Variants in SLC25A13 observed in about 807,000 individuals in gnomAD.
The protein encoded by SLC25A13 is solute carrier family 25 member 13, also known as electrogenic aspartate/glutamate antiporter SLC25A13, mitochondrial.
SLC25A13 carries 70 observed loss-of-function variants against 85.5 expected under a neutral mutation model. That is an observed-to-expected ratio of 0.82 (90% CI 0.68 to 1.00). The LOEUF is 1.00. Ranked by LOEUF, SLC25A13 falls within the 50% of genes least tolerant of loss-of-function variation. The pLI, the probability that SLC25A13 is intolerant of heterozygous loss-of-function variation, is 0.00. For missense variants in SLC25A13, 765 were observed against 819.8 expected (o/e 0.93, Z 0.82); for synonymous variants, 259 against 288.7 (o/e 0.90, Z 1.04).
At chr7:96,228,867 G>A (rs117350878) in intron 4 of SLC25A13, among the ~76,000 whole-genome samples, 3,089 of 152,282 alleles carry the variant, frequency 0.02, 59 homozygotes, top group Non-Finnish European at 0.031. Flanking sequence ...CAGCTGTGGA[G>A]GGTGTGCTGG....
intron 12 of SLC25A13, among the ~76,000 whole-genome samples, chr7:96,170,802 G>C (rs1315104782): frequency 6.6e-6 from 1 of 152,166 alleles, no homozygotes; most frequent in Non-Finnish European, 1.5e-5. Context: ...CCTAAAGCTA[G>C]AGTTTTACTT....
At chr7:96,221,905 T>G (rs1176864289) in intron 4 of SLC25A13, among the ~76,000 whole-genome samples, 1 of 152,200 alleles carries the variant, frequency 6.6e-6, no homozygotes, top group Non-Finnish European at 1.5e-5. Flanking sequence ...CATCAGAGAA[T>G]TAACTAACTG....
intron 12 of SLC25A13, 46 bp downstream of exon 12, chr7:96,171,426 T>A (rs753718735): frequency 6.5e-7 from 1 of 1,527,940 alleles, no homozygotes; most frequent in East Asian, 2.3e-5. Context: ...GATTCTTGAG[T>A]ATGTACAAAA....
chr7:96,317,763 T>G (rs898899327), intron 1 of SLC25A13, among the ~76,000 whole-genome samples: 3 of 150,822 alleles, frequency 2.0e-5, no homozygotes, highest in Non-Finnish European at 4.4e-5. Flanking sequence ...ATTTTATTTA[T>G]TTTATTCTAT....
At chr7:96,303,420 C>T (rs758899570) in intron 1 of SLC25A13, among the ~76,000 whole-genome samples, 1 of 151,984 alleles carries the variant, frequency 6.6e-6, no homozygotes, top group Non-Finnish European at 1.5e-5. Flanking sequence ...AGAAACAGTC[C>T]TGCATAGTCT....
intron 15 of SLC25A13, among the ~76,000 whole-genome samples, chr7:96,125,421 A>G (rs1004949353): frequency 1.2e-4 from 18 of 152,214 alleles, no homozygotes; most frequent in African/African-American, 4.3e-4. Context: ...TGCTTCAGAG[A>G]AGGTCTGTGG....
chr7:96,304,744 C>A (rs1169899054), intron 1 of SLC25A13, among the ~76,000 whole-genome samples: 1 of 152,176 alleles, frequency 6.6e-6, no homozygotes, highest in East Asian at 1.9e-4. Context: ...ACTTGCTCAT[C>A]CATGCAACAC....
At chr7:96,216,602 C>T (rs909351671) in intron 4 of SLC25A13, among the ~76,000 whole-genome samples, 3 of 152,128 alleles carry the variant, frequency 2.0e-5, no homozygotes, top group African/African-American at 4.8e-5. Context: ...CTTGCAGGAA[C>T]GTCGACGGAG....
In SLC25A13 at chr7:96,121,760, A is replaced by C; in HGVS notation, c.1751-15T>G. On this transcript the variant is annotated splice_polypyrimidine_tract_variant and intron_variant, in intron 16 of 17. Coordinates refer to ENST00000265631, the MANE Select transcript of SLC25A13 (RefSeq NM_014251.3). ...AAATACACGAGCTTTAAAAAAATGG[A>C]GAAATCACAGATATAATTAGATATT... The C allele has an allele frequency of 6.2e-7, 1 of 1,614,056 alleles. No homozygotes were observed. The highest frequency in any genetic ancestry group is 8.5e-7 in the Non-Finnish European group (1 of 1,179,884).
At chr7:96,158,620 C>T (rs2116529900) in intron 13 of SLC25A13, among the ~76,000 whole-genome samples, 1 of 152,270 alleles carries the variant, frequency 6.6e-6, no homozygotes. Flanking sequence ...TCTAATTGCA[C>T]ACTGACATTC....
intron 5 of SLC25A13, among the ~76,000 whole-genome samples, chr7:96,196,804 C>T (rs1001291813): frequency 1.3e-5 from 2 of 152,158 alleles, no homozygotes; most frequent in African/African-American, 2.4e-5. Flanking sequence ...ATTCTGAAGA[C>T]GTGGGTTGCC....
chr7:96,209,003 T>C (rs1198231565), intron 4 of SLC25A13, 26 bp from the exon 5 acceptor site: 6 of 1,611,340 alleles, frequency 3.7e-6, no homozygotes, highest in Non-Finnish European at 4.2e-6. Context: ...ACAGGTTGAT[T>C]AAAACAAAGT....
intron 9 of SLC25A13, among the ~76,000 whole-genome samples, chr7:96,187,540 G>T (rs1794685617): frequency 6.6e-6 from 1 of 152,058 alleles, no homozygotes; most frequent in African/African-American, 2.4e-5. Context: ...TTTATTTACA[G>T]GGATATAAAT....
intron 13 of SLC25A13, among the ~76,000 whole-genome samples, chr7:96,154,846 G>A (rs1793198077): frequency 6.6e-6 from 1 of 150,418 alleles, no homozygotes; most frequent in African/African-American, 2.5e-5. Flanking sequence ...CACCCAGGCT[G>A]GAGTGCAGTG....
In SLC25A13 at chr7:96,131,733, G is replaced by T. The variant is rs1457922451; in HGVS notation, c.1591+10C>A. ...CAGGGAAGTAAGAGAACTCCATGGG[G>T]GACACTCACCAGCTATGGCACCAGC... On this transcript the variant is annotated intron_variant, in intron 15 of 17. Transcript: ENST00000265631. 1.2e-6 allele frequency: 2 copies of T among 1,613,650 alleles called. No homozygotes were observed. The highest frequency in any genetic ancestry group is 3.3e-5 in the Admixed American group (2 of 59,986).
At chr7:96,174,910 T>C (rs1794157066) in intron 11 of SLC25A13, among the ~76,000 whole-genome samples, 1 of 152,212 alleles carries the variant, frequency 6.6e-6, no homozygotes, top group African/African-American at 2.4e-5. Context: ...CAGCAAACAT[T>C]TACCAAATGC....
chr7:96,290,186 G>A (rs984459434), intron 2 of SLC25A13, among the ~76,000 whole-genome samples: 7 of 152,146 alleles, frequency 4.6e-5, no homozygotes, highest in African/African-American at 1.7e-4. Flanking sequence ...AGCTTCATAA[G>A]TGAAGGAGAA....
intron 4 of SLC25A13, among the ~76,000 whole-genome samples, chr7:96,222,826 A>G (rs1467056007): frequency 6.6e-6 from 1 of 152,176 alleles, no homozygotes; most frequent in Non-Finnish European, 1.5e-5. Flanking sequence ...TGTCTCTTGT[A>G]TTATATATAG....
chr7:96,193,992 CA>C (rs1426852065), intron 5 of SLC25A13, among the ~76,000 whole-genome samples: 1 of 152,144 alleles, frequency 6.6e-6, no homozygotes, highest in Non-Finnish European at 1.5e-5. Context: ...AGTGTGTACA[CA>C]AAAGAAAACA....
Sources: gnomAD v4.1 joint callset for allele counts (sites outside exome capture counted in the v4.1 genomes callset) on GRCh38, gnomAD v4.1.1 for gene constraint, MANE v1.5 for transcripts, NCBI Gene and HGNC (gene_info 2026-07-23, HGNC 2026-07-21) for gene names.